The following OTOGL variants were observed in gnomAD, a reference collection of about 807,000 sequenced individuals.
OTOGL encodes the protein otogelin like.
A neutral mutation model predicts 318.5 loss-of-function variants in OTOGL; 285 were observed. The observed-to-expected ratio is 0.89, with a 90% CI of 0.81 to 0.99. The LOEUF is 0.99. Among genes scored for constraint, OTOGL ranks in the 50% least tolerant of loss-of-function variants. The probability of loss-of-function intolerance (pLI) is 0.00; values close to 1 mark genes in which losing one functional copy is unlikely to be tolerated. For missense variants in OTOGL, 2,899 were observed against 2,845.6 expected, an observed-to-expected ratio of 1.02 and a Z score of -0.43; for synonymous variants, 987 against 936.5, an observed-to-expected ratio of 1.05 and a Z score of -0.99.
intron 7 of OTOGL, among the ~76,000 whole-genome samples, chr12:80,224,504 G>T (rs1178070025): frequency 2.6e-5 from 4 of 152,032 alleles, no homozygotes; most frequent in Admixed American, 1.3e-4. Flanking sequence ...ATTGCTTTTG[G>T]CAGTGTGGTC....
chr12:80,378,152 C>T lies in OTOGL; in HGVS notation c.*104C>T, dbSNP rs79190308. 1,085 of 846,768 alleles carry T rather than the reference C, an allele frequency of 1.3e-3. 6 individuals carry two copies. In the African/African-American group the frequency reaches 0.017, roughly 13 times the overall value. 52.5% of individuals were successfully genotyped at this position (846,768 alleles called of 1,614,324 possible). ...GGCAGATTTATGCTGTTTAACAATA[C>T]TGTATTTTTCAGACTTGGAATGTGG... On this transcript the variant is annotated 3_prime_UTR_variant, in exon 59 of 59. Transcript: ENST00000547103.
chr12:80,377,233 A>G (rs1457646267), intron 58 of OTOGL, 31 bp downstream of exon 58: 1 of 1,507,986 alleles, frequency 6.6e-7, no homozygotes, highest in Non-Finnish European at 9.1e-7. Context: ...TGCTACATAA[A>G]TGCACACATC....
intron 1 of OTOGL, among the ~76,000 whole-genome samples, chr12:80,184,576 G>C (rs1875154454): frequency 6.6e-6 from 1 of 152,144 alleles, no homozygotes; most frequent in Non-Finnish European, 1.5e-5. Flanking sequence ...GCTGGGAGGA[G>C]GAAGATAATG....
In OTOGL at chr12:80,108,894, G is replaced by GTA. The variant is rs576976573; in HGVS notation, c.-20+9297_-20+9298dup. On this transcript the variant is annotated intron_variant, in intron 1 of 58. Coordinates refer to ENST00000547103, the MANE Select transcript of OTOGL (RefSeq NM_001378609.3). ...TGTGTATATATGTGTATATATATGT[G>GTA]TATATATATGTGTATATATATGTGT... Among the ~76,000 whole-genome samples the GTA allele has an allele frequency of 9.6e-3, 1,260 of 131,482 alleles. 12 individuals are homozygous for GTA. The highest frequency in any genetic ancestry group is 0.016 in the African/African-American group (528 of 32,692). 86.3% of individuals were successfully genotyped at this position (131,482 alleles called of 152,430 possible). A position where few individuals can be genotyped will look rare whatever the true frequency, so the allele number is the denominator to read the frequency against.
intron 1 of OTOGL, among the ~76,000 whole-genome samples, chr12:80,193,398 C>T (rs1875832483): frequency 6.6e-6 from 1 of 152,008 alleles, no homozygotes; most frequent in Non-Finnish European, 1.5e-5. Flanking sequence ...TGCCTGTAGT[C>T]CCAGTTACTC....
intron 27 of OTOGL, among the ~76,000 whole-genome samples, chr12:80,297,831 G>A (rs1041898978): frequency 1.3e-5 from 2 of 151,974 alleles, no homozygotes; most frequent in African/African-American, 2.4e-5. Flanking sequence ...TACTATTATC[G>A]CTTCTTCCTG....
intron 1 of OTOGL, among the ~76,000 whole-genome samples, chr12:80,196,393 C>T (rs1440619372): frequency 2.6e-5 from 4 of 152,166 alleles, no homozygotes; most frequent in East Asian, 1.9e-4. Flanking sequence ...GATTTATTAA[C>T]GCTACACTAA....
chr12:80,191,502 C>T (rs7296395), intron 1 of OTOGL, among the ~76,000 whole-genome samples: 4,329 of 152,210 alleles, frequency 0.028, 88 homozygotes, highest in Non-Finnish European at 0.044. Context: ...AAGGCAGAGA[C>T]GAGCTAAGTG....
chr12:80,124,508 C>G (rs1457765951), intron 1 of OTOGL, among the ~76,000 whole-genome samples: 7 of 152,138 alleles, frequency 4.6e-5, no homozygotes, highest in Non-Finnish European at 1.0e-4. Context: ...TTAGGATTGA[C>G]TTGGTGATGT....
chr12:80,268,178 C>G (rs1310778576), intron 22 of OTOGL, among the ~76,000 whole-genome samples: 1 of 152,052 alleles, frequency 6.6e-6, no homozygotes, highest in Non-Finnish European at 1.5e-5. Context: ...TTTTTAGTTG[C>G]CCCATAGGTA....
At chr12:80,359,279 G>C (rs942573270) in intron 52 of OTOGL, among the ~76,000 whole-genome samples, 4 of 152,094 alleles carry the variant, frequency 2.6e-5, no homozygotes, top group African/African-American at 7.2e-5. Flanking sequence ...TATAAACATG[G>C]AACAGCCTGT....
chr12:80,349,214 G>A (rs765065870), intron 44 of OTOGL, among the ~76,000 whole-genome samples: 10 of 152,152 alleles, frequency 6.6e-5, no homozygotes, highest in Non-Finnish European at 1.2e-4. Context: ...CAGAGATCAG[G>A]TTGGAAGAGT....
intron 38 of OTOGL, among the ~76,000 whole-genome samples, chr12:80,334,799 G>T: frequency 6.6e-6 from 1 of 152,116 alleles, no homozygotes; most frequent in Non-Finnish European, 1.5e-5. Flanking sequence ...AGTTTCAGTA[G>T]AGTGGTAGGT....
At chr12:80,140,795 C>T (rs1400754007) in intron 1 of OTOGL, among the ~76,000 whole-genome samples, 5 of 152,090 alleles carry the variant, frequency 3.3e-5, no homozygotes, top group African/African-American at 1.2e-4. Context: ...TGAACTTGAT[C>T]ATTTTAAGTA....
chr12:80,126,996 A>G (rs959583112), intron 1 of OTOGL, among the ~76,000 whole-genome samples: 5 of 152,098 alleles, frequency 3.3e-5, no homozygotes, highest in Admixed American at 6.5e-5. Flanking sequence ...TCTTTATCCA[A>G]TTTGCCAGTC....
intron 35 of OTOGL, 50 bp from the exon 36 acceptor site, chr12:80,328,615 T>C (rs776156060): frequency 1.5e-6 from 2 of 1,362,518 alleles, no homozygotes; most frequent in Non-Finnish European, 2.1e-6. Flanking sequence ...CTTTTTTTTT[T>C]GTATTTCAAA....
chr12:80,251,876 C>A, intron 12 of OTOGL, 77 bp downstream of exon 12: 1 of 1,262,066 alleles, frequency 7.9e-7, no homozygotes, highest in Non-Finnish European at 1.1e-6. Context: ...ACTTACTGTA[C>A]TACTCAATAC....
At chr12:80,175,288 C>T (rs546244353) in intron 1 of OTOGL, among the ~76,000 whole-genome samples, 57 of 152,276 alleles carry the variant, frequency 3.7e-4, no homozygotes, top group African/African-American at 1.3e-3. Context: ...ATACAAATTT[C>T]TCATCCTTAG....
chr12:80,322,197 C>T (rs1887382127), intron 34 of OTOGL, among the ~76,000 whole-genome samples: 1 of 152,144 alleles, frequency 6.6e-6, no homozygotes, highest in African/African-American at 2.4e-5. Flanking sequence ...ACACTGTGCT[C>T]TTGAGAAAAG....
Sources: gnomAD v4.1 joint callset for allele counts (sites outside exome capture counted in the v4.1 genomes callset) on GRCh38, gnomAD v4.1.1 for gene constraint, MANE v1.5 for transcripts, NCBI Gene and HGNC (gene_info 2026-07-23, HGNC 2026-07-21) for gene names.